CCDC174: variants seen among roughly 807,000 people sequenced by gnomAD.
CCDC174 encodes coiled-coil domain-containing protein 174.
In CCDC174, 37 loss-of-function variants were observed where a neutral mutation model predicts 57.1. The observed-to-expected ratio is 0.65, with a 90% CI of 0.50 to 0.85. The LOEUF (loss-of-function observed/expected upper bound fraction) is 0.85, where lower values mean the gene tolerates loss of function less well. CCDC174 is among the 40% of genes least tolerant of loss of function. CCDC174 has a pLI of 0.00. For synonymous variants in CCDC174, 182 were observed against 190.2 expected (o/e 0.96, Z 0.35); for missense variants, 540 against 574.3 (o/e 0.94, Z 0.61).
chr3:14,656,370 C>T (rs1459490151), intron 3 of CCDC174, among the ~76,000 whole-genome samples: 2 of 152,130 alleles, frequency 1.3e-5, no homozygotes, highest in Non-Finnish European at 2.9e-5. Flanking sequence ...GTTCCCTTGC[C>T]TTTTGGTTGT....
chr3:14,658,732 G>A lies in CCDC174; in HGVS notation c.249-139G>A, dbSNP rs1482568410. On this transcript the variant is annotated intron_variant, in intron 3 of 10. Coordinates refer to ENST00000383794, the MANE Select transcript of CCDC174 (RefSeq NM_016474.5). ...GTGGTCTGAGGGTCTCCTCAGGATG[G>A]TGTGGTCTGTGCTGGTTGTGGTTGT... 4 of 884,898 alleles carry A rather than the reference G, an allele frequency of 4.5e-6. No homozygotes were observed. In the East Asian group the frequency reaches 9.7e-5, roughly 21 times the overall value. The allele number at this position is 884,898 out of a possible 1,614,324, so 54.8% of individuals were successfully genotyped here. A position where few individuals can be genotyped will look rare whatever the true frequency, so the allele number is the denominator to read the frequency against.
chr3:14,658,166 C>A (rs1171443929), intron 3 of CCDC174, among the ~76,000 whole-genome samples: 1 of 152,210 alleles, frequency 6.6e-6, no homozygotes, highest in Non-Finnish European at 1.5e-5. Context: ...TGTCCTTCTC[C>A]ATCTCTAGAA....
In CCDC174 at chr3:14,651,874, C is replaced by A; in HGVS notation, c.38C>A (p.Ser13Tyr). Residue 13 changes from serine to tyrosine, a missense_variant, in exon 1 of 11, where the codon TCC becomes TAC. Coordinates refer to ENST00000383794, the MANE Select transcript of CCDC174 (RefSeq NM_016474.5). Reference protein sequence around the residue: ...RRKKPLDVTASSLVDLKAELF... With the variant: ...RRKKPLDVTAYSLVDLKAELF... ...AAAAAGCCTTTGGACGTCACGGCCT[C>A]CTCGGTGAGTGAGGGTATGAGGTAA... 1 of 1,614,062 alleles carries A rather than the reference C, an allele frequency of 6.2e-7. No homozygotes were observed. The highest frequency in any genetic ancestry group is 8.5e-7 in the Non-Finnish European group (1 of 1,179,950).
chr3:14,651,890 T>G lies in CCDC174; in HGVS notation c.42+12T>G. 6.2e-7 allele frequency: 1 copy of G among 1,613,238 alleles called. No homozygotes were observed. The highest frequency in any genetic ancestry group is 8.5e-7 in the Non-Finnish European group (1 of 1,179,418). The stretch of plus-strand genomic sequence containing the variant: ...TCACGGCCTCCTCGGTGAGTGAGGG[T>G]ATGAGGTAACTCCACGGGCTCCGGG... On this transcript the variant is annotated intron_variant, in intron 1 of 10. Transcript: ENST00000383794.
In CCDC174 at chr3:14,664,991, A is replaced by T. The variant is rs764090364; in HGVS notation, c.486-37A>T. On this transcript the variant is annotated intron_variant, in intron 5 of 10. Transcript: ENST00000383794. ...CTGACTTAGGGGCTTGTACATGTGTACAAGTCCTTCTTCACATCTTTTTGC... is the reference window on the plus strand; with the variant it reads ...CTGACTTAGGGGCTTGTACATGTGTTCAAGTCCTTCTTCACATCTTTTTGC... 9 of 1,488,236 alleles carry T rather than the reference A, an allele frequency of 6.0e-6. No homozygotes were observed. In the African/African-American group the frequency reaches 1.1e-4, roughly 18 times the overall value. The allele number at this position is 1,488,236 out of a possible 1,614,324, so 92.2% of individuals were successfully genotyped here. A position where few individuals can be genotyped will look rare whatever the true frequency, so the allele number is the denominator to read the frequency against.
chr3:14,667,684 C>T (rs1180470235), intron 8 of CCDC174, among the ~76,000 whole-genome samples, 166 bp downstream of exon 8: 1 of 152,168 alleles, frequency 6.6e-6, no homozygotes, highest in East Asian at 1.9e-4. Flanking sequence ...TTTATAACTG[C>T]TCACAAGTAA....
At chr3:14,667,868 C>G (rs1203475894) in intron 8 of CCDC174, 181 bp from the exon 9 acceptor site, 1 of 609,510 alleles carries the variant, frequency 1.6e-6, no homozygotes, top group Non-Finnish European at 2.9e-6. Flanking sequence ...CTTTGTAAGA[C>G]ATCAGAGGGT....
rs770614051 is a variant in CCDC174, at chr3:14,670,068, G to A, written c.1087G>A (p.Glu363Lys). 1 of 1,610,384 alleles carries A rather than the reference G, an allele frequency of 6.2e-7. No homozygotes were observed. Among genetic ancestry groups the A allele is most frequent in the Non-Finnish European group, 8.5e-7 (1 of 1,178,946 alleles). The change falls in exon 10 of 11, where the codon GAG (glutamate) becomes AAG (lysine). Residue 363 changes from glutamate (E) to lysine (K), a missense_variant. Coordinates refer to ENST00000383794, the MANE Select transcript of CCDC174 (RefSeq NM_016474.5). ...DTKPGVPHIR[E>K]WDRGKEFSFG... ...CAAGCCTGGAGTGCCACACATCCGG[G>A]AGTGGGACCGCGGAAAAGGTAAGGG...
At chr3:14,653,781 C>T (rs2030861001) in intron 1 of CCDC174, among the ~76,000 whole-genome samples, 1 of 152,138 alleles carries the variant, frequency 6.6e-6, no homozygotes, top group South Asian at 2.1e-4. Context: ...TATAATTCAC[C>T]CAGTCTATTT....
In CCDC174 at chr3:14,658,913, T is replaced by G; in HGVS notation, c.291T>G (p.Thr97=). 1 of 1,524,856 alleles carries G rather than the reference T, an allele frequency of 6.6e-7. No individual in the cohort carries two copies. Among genetic ancestry groups the G allele is most frequent in the Non-Finnish European group, 9.0e-7 (1 of 1,112,690 alleles). The allele number at this position is 1,524,856 out of a possible 1,614,324, so 94.5% of individuals were successfully genotyped here. A position where few individuals can be genotyped will look rare whatever the true frequency, so the allele number is the denominator to read the frequency against. The change falls in exon 4 of 11, where the codon ACT becomes ACG. Residue 97 remains threonine (T), a synonymous_variant. Coordinates refer to ENST00000383794, the MANE Select transcript of CCDC174 (RefSeq NM_016474.5). The part of the protein sequence containing the change: ...EEKAKLYEKM[T]KGDFIDEEVE... ...AAGCCAAATTATATGAAAAAATGAC[T>G]AAAGGAGACTTTATAGGTAAATAAA...
At chr3:14,663,500 G>A (rs2031220707) in intron 5 of CCDC174, among the ~76,000 whole-genome samples, 1 of 152,188 alleles carries the variant, frequency 6.6e-6, no homozygotes, top group African/African-American at 2.4e-5. Context: ...ATGGGTGTGT[G>A]CCTTAACTTC....
intron 6 of CCDC174, 84 bp downstream of exon 6, chr3:14,665,207 A>G: frequency 1.1e-6 from 1 of 913,786 alleles, no homozygotes. Flanking sequence ...CTGTTTTATA[A>G]TTAATGATCT....
At chr3:14,670,322 C>G (rs1358969965) in intron 10 of CCDC174, among the ~76,000 whole-genome samples, 1 of 152,244 alleles carries the variant, frequency 6.6e-6, no homozygotes, top group East Asian at 1.9e-4. Context: ...TGCCAGTGTA[C>G]TAACCTGGAT....
At position 14,655,611 on chromosome 3, in the gene CCDC174, A is replaced by C; in HGVS notation, c.230A>C (p.Lys77Thr). The change falls in exon 3 of 11, where the codon AAG becomes ACG. Residue 77 changes from lysine (K) to threonine (T), a missense_variant. Coordinates refer to ENST00000383794, the MANE Select transcript of CCDC174 (RefSeq NM_016474.5). ...KDAEQKIEEQ[K>T]TLDKAREKLE... ...GCTGAACAGAAGATTGAAGAACAGAAGACTTTAGACAAAGCAAGGTAAAGT... is the reference window on the plus strand; with the variant it reads ...GCTGAACAGAAGATTGAAGAACAGACGACTTTAGACAAAGCAAGGTAAAGT... 1 of 1,607,886 alleles carries C rather than the reference A, an allele frequency of 6.2e-7. No individual in the cohort carries two copies. Among genetic ancestry groups the C allele is most frequent in the Non-Finnish European group, 8.5e-7 (1 of 1,176,104 alleles).
Position 14,670,162 on chromosome 3 carries a change from G to A in CCDC174, c.1105+76G>A, listed in dbSNP as rs1575074391. On this transcript the variant is annotated intron_variant, in intron 10 of 10. Transcript: ENST00000383794. ...GGTTTTTTTTCTAGAAGCACTTGGG[G>A]TAAGTTTTAACTTCGTGCTGCCTTG... 1.3e-5 allele frequency: 19 copies of A among 1,468,192 alleles called. No individual in the cohort carries two copies. In the East Asian group the frequency reaches 4.3e-4, roughly 33 times the overall value. The allele number at this position is 1,468,192 out of a possible 1,614,324, so 90.9% of individuals were successfully genotyped here.
intron 7 of CCDC174, 68 bp downstream of exon 7, chr3:14,667,015 G>A (rs2031366831): frequency 2.2e-6 from 3 of 1,338,462 alleles, no homozygotes; most frequent in Non-Finnish European, 3.1e-6. Context: ...AACATAAAGG[G>A]AAGTATTCAT....
chr3:14,652,536 A>G (rs2030807470), intron 1 of CCDC174, among the ~76,000 whole-genome samples: 1 of 152,192 alleles, frequency 6.6e-6, no homozygotes, highest in Admixed American at 6.5e-5. Context: ...GGTGCTATTA[A>G]TATCTCCGTT....
At chr3:14,662,078 C>T (rs564730164) in intron 5 of CCDC174, among the ~76,000 whole-genome samples, 5 of 152,228 alleles carry the variant, frequency 3.3e-5, no homozygotes, top group East Asian at 1.9e-4. Context: ...CTGCCTTACC[C>T]GTGTTCTTGT....
intron 5 of CCDC174, among the ~76,000 whole-genome samples, chr3:14,664,501 C>G (rs369970879): frequency 7.2e-4 from 109 of 152,294 alleles, no homozygotes; most frequent in Non-Finnish European, 1.4e-3. Flanking sequence ...TGGTGTTTGG[C>G]TTCCTCCTAA....
Sources: allele counts gnomAD v4.1 joint callset (sites outside exome capture counted in the v4.1 genomes callset), GRCh38; gene constraint gnomAD v4.1.1; transcripts MANE v1.5; gene names NCBI Gene and HGNC (gene_info 2026-07-23, HGNC 2026-07-21).